The following SUCLG2 variants were observed in gnomAD, a reference collection of about 807,000 sequenced individuals.
SUCLG2 encodes succinate--CoA ligase [GDP-forming] subunit beta, mitochondrial.
SUCLG2 carries 42 observed loss-of-function variants against 47.9 expected under a neutral mutation model. The ratio of observed to expected loss-of-function variants is 0.88; its 90% CI spans 0.69 to 1.14. The LOEUF is 1.14. SUCLG2 is among the 50% of genes most tolerant of loss of function. The pLI is 0.00. For missense variants in SUCLG2, 571 were observed against 525.9 expected (o/e 1.09, Z -0.84); for synonymous variants, 195 against 197.3 (o/e 0.99, Z 0.10).
At chr3:67,551,052 T>A (rs182886516) in intron 2 of SUCLG2, among the ~76,000 whole-genome samples, 89 of 152,362 alleles carry the variant, frequency 5.8e-4, no homozygotes, top group African/African-American at 2.0e-3. Context: ...TTGTAATAAG[T>A]AATCTATTAC....
chr3:67,536,185 C>T (rs1258119662), intron 2 of SUCLG2, among the ~76,000 whole-genome samples: 2 of 152,142 alleles, frequency 1.3e-5, no homozygotes, highest in East Asian at 3.8e-4. Context: ...GCTGGTGGAA[C>T]ATAAACTCAT....
At chr3:67,637,726 C>T (rs1408149317) in intron 1 of SUCLG2, among the ~76,000 whole-genome samples, 1 of 152,164 alleles carries the variant, frequency 6.6e-6, no homozygotes, top group Non-Finnish European at 1.5e-5. Flanking sequence ...GGTACTCTGC[C>T]TTTCTTTTTT....
At chr3:67,571,171 C>T (rs1455439819) in intron 2 of SUCLG2, among the ~76,000 whole-genome samples, 3 of 151,972 alleles carry the variant, frequency 2.0e-5, no homozygotes, top group South Asian at 4.2e-4. Flanking sequence ...GAAATTTTGC[C>T]CCCCACAGAA....
chr3:67,366,996 TAA>T (rs1389517663), intron 10 of SUCLG2, among the ~76,000 whole-genome samples: 3 of 152,146 alleles, frequency 2.0e-5, no homozygotes, highest in Non-Finnish European at 4.4e-5. Flanking sequence ...ACTTCAAAGT[TAA>T]AGAGACTTAC....
intron 1 of SUCLG2, among the ~76,000 whole-genome samples, chr3:67,640,930 T>C (rs578032324): frequency 6.6e-6 from 1 of 152,312 alleles, no homozygotes; most frequent in South Asian, 2.1e-4. Flanking sequence ...ACATAGGTAG[T>C]AAAATGTTAG....
At chr3:67,436,579 G>A (rs1703629043) in intron 9 of SUCLG2, among the ~76,000 whole-genome samples, 1 of 152,180 alleles carries the variant, frequency 6.6e-6, no homozygotes, top group Admixed American at 6.5e-5. Context: ...TGCTAGTCAA[G>A]TCTGTTGCCT....
chr3:67,520,425 T>C, intron 5 of SUCLG2, 57 bp downstream of exon 5: 4 of 1,611,228 alleles, frequency 2.5e-6, no homozygotes, highest in Non-Finnish European at 2.5e-6. Flanking sequence ...ATTAAATATT[T>C]AACAGCTTCT....
At chr3:67,532,395 C>A (rs926867214) in intron 2 of SUCLG2, among the ~76,000 whole-genome samples, 21 of 152,272 alleles carry the variant, frequency 1.4e-4, no homozygotes, top group African/African-American at 4.6e-4. Flanking sequence ...CTCAGCCTCC[C>A]AAAGTGCTAG....
At chr3:67,636,041 G>C (rs1349254138) in intron 1 of SUCLG2, among the ~76,000 whole-genome samples, 1 of 152,162 alleles carries the variant, frequency 6.6e-6, no homozygotes, top group Non-Finnish European at 1.5e-5. Context: ...AAGCTCAAGC[G>C]GAGATGTTCT....
intron 2 of SUCLG2, among the ~76,000 whole-genome samples, chr3:67,550,366 G>T (rs1706980712): frequency 6.6e-6 from 1 of 151,978 alleles, no homozygotes; most frequent in Non-Finnish European, 1.5e-5. Flanking sequence ...TTGAGACAGG[G>T]TCTCACTCTA....
In SUCLG2 at chr3:67,460,688, T is replaced by C. The variant is rs114967729; in HGVS notation, c.1062+35110A>G. 1.8e-3 allele frequency among the ~76,000 whole-genome samples: 276 copies of C among 152,252 alleles called. 1 individual carries two copies. Among genetic ancestry groups the C allele is most frequent in the African/African-American group, 6.0e-3 (251 of 41,540 alleles). ...TGAATCAATGGTAGGACTTTTATTA[T>C]AAAAATCCTAACAGGGCCAGAAAAG... On this transcript the variant is annotated intron_variant, in intron 9 of 10. Transcript: ENST00000307227.
intron 2 of SUCLG2, among the ~76,000 whole-genome samples, chr3:67,533,818 T>A (rs1360845280): frequency 6.6e-6 from 1 of 152,186 alleles, no homozygotes; most frequent in Admixed American, 6.5e-5. Flanking sequence ...TCAATGGGAA[T>A]AAGATGATAC....
At chr3:67,608,945 G>A (rs1181786346) in intron 2 of SUCLG2, among the ~76,000 whole-genome samples, 1 of 152,110 alleles carries the variant, frequency 6.6e-6, no homozygotes, top group African/African-American at 2.4e-5. Flanking sequence ...TCAAAGTACT[G>A]AGATTATAGG....
intron 4 of SUCLG2, among the ~76,000 whole-genome samples, chr3:67,524,328 C>G (rs749885208): frequency 5.3e-5 from 8 of 152,202 alleles, no homozygotes; most frequent in Non-Finnish European, 1.0e-4. Flanking sequence ...GAATCTGTTT[C>G]CTTAAAAATA....
At chr3:67,587,420 G>A (rs1344696616) in intron 2 of SUCLG2, among the ~76,000 whole-genome samples, 1 of 152,234 alleles carries the variant, frequency 6.6e-6, no homozygotes, top group Admixed American at 6.5e-5. Flanking sequence ...TGCGTCTGCA[G>A]TCAGCATAAT....
chr3:67,595,271 T>C (rs926277271), intron 2 of SUCLG2, among the ~76,000 whole-genome samples: 2 of 152,160 alleles, frequency 1.3e-5, no homozygotes, highest in African/African-American at 2.4e-5. Context: ...TGTTTCTATA[T>C]TGAGAATACC....
At chr3:67,454,884 C>T (rs747533420) in intron 9 of SUCLG2, among the ~76,000 whole-genome samples, 3 of 150,068 alleles carry the variant, frequency 2.0e-5, no homozygotes, top group Non-Finnish European at 4.4e-5. Context: ...ATGGCGTGAA[C>T]CTGGGAGGTG....
intron 4 of SUCLG2, among the ~76,000 whole-genome samples, chr3:67,523,196 A>G (rs1192654476): frequency 6.6e-6 from 1 of 152,216 alleles, no homozygotes; most frequent in African/African-American, 2.4e-5. Context: ...CTTAAGTTTT[A>G]GGTCACATGA....
chr3:67,395,535 G>A (rs1420049277), intron 10 of SUCLG2, among the ~76,000 whole-genome samples: 5 of 152,116 alleles, frequency 3.3e-5, no homozygotes, highest in Non-Finnish European at 1.5e-5. Flanking sequence ...AGTCCTGAGG[G>A]ACCTACAAAG....
Sources: allele counts gnomAD v4.1 joint callset (sites outside exome capture counted in the v4.1 genomes callset), GRCh38; gene constraint gnomAD v4.1.1; transcripts MANE v1.5; gene names NCBI Gene and HGNC (gene_info 2026-07-23, HGNC 2026-07-21).